Variants in STPG2 observed in about 807,000 individuals in gnomAD.
The protein encoded by STPG2 is sperm tail PG-rich repeat containing 2.
A neutral mutation model predicts 54.2 loss-of-function variants in STPG2; 56 were observed. The observed-to-expected ratio is 1.03, with a 90% CI of 0.83 to 1.29. STPG2 has a LOEUF of 1.29. Ranked by LOEUF, STPG2 falls within the 50% of genes most tolerant of loss-of-function variation. STPG2 has a pLI of 0.00. For missense variants in STPG2, 596 were observed against 544.9 expected (o/e 1.09, Z -0.93); for synonymous variants, 200 against 181.8 (o/e 1.10, Z -0.81).
intron 10 of STPG2, among the ~76,000 whole-genome samples, chr4:97,706,379 G>A (rs1723942007): frequency 6.6e-6 from 1 of 152,164 alleles, no homozygotes; most frequent in African/African-American, 2.4e-5. Context: ...TCCTGAGGTA[G>A]AGCCCTCGTG....
chr4:98,112,686 C>G (rs1303107092), intron 3 of STPG2, among the ~76,000 whole-genome samples: 7 of 151,986 alleles, frequency 4.6e-5, no homozygotes, highest in Admixed American at 4.6e-4. Context: ...TTTAGTAAAT[C>G]CCCTTGATTG....
At chr4:97,738,458 A>G (rs908220650) in intron 9 of STPG2, among the ~76,000 whole-genome samples, 1 of 152,218 alleles carries the variant, frequency 6.6e-6, no homozygotes, top group African/African-American at 2.4e-5. Context: ...TGCTGTATTC[A>G]GGAAACCCAT....
At chr4:98,009,751 G>A (rs1735685322) in intron 5 of STPG2, among the ~76,000 whole-genome samples, 1 of 151,898 alleles carries the variant, frequency 6.6e-6, no homozygotes, top group African/African-American at 2.4e-5. Context: ...ATCAAATTAT[G>A]TGCTCCAATG....
At chr4:97,650,216 C>T (rs1722026219) in intron 10 of STPG2, among the ~76,000 whole-genome samples, 2 of 152,134 alleles carry the variant, frequency 1.3e-5, no homozygotes, top group African/African-American at 2.4e-5. Flanking sequence ...ATACCTCCTG[C>T]TATGCAGCCT....
intron 9 of STPG2, among the ~76,000 whole-genome samples, chr4:97,746,453 C>T (rs1423164482): frequency 2.6e-5 from 4 of 151,194 alleles, no homozygotes; most frequent in Non-Finnish European, 4.5e-5. Flanking sequence ...CCAATAATTT[C>T]TCCAATTGAC....
At chr4:97,865,670 G>T (rs1445873650) in intron 8 of STPG2, among the ~76,000 whole-genome samples, 2 of 151,784 alleles carry the variant, frequency 1.3e-5, no homozygotes, top group Non-Finnish European at 2.9e-5. Context: ...TTGGACTCAG[G>T]AAGGGGAACA....
intron 4 of STPG2, among the ~76,000 whole-genome samples, chr4:97,520,061 C>T (rs1161734772): frequency 1.3e-5 from 2 of 151,892 alleles, no homozygotes; most frequent in Admixed American, 6.6e-5. Context: ...TGAATCAATA[C>T]ATACAAAGTG....
chr4:98,130,811 A>G (rs1421260885), intron 2 of STPG2, among the ~76,000 whole-genome samples: 2 of 150,980 alleles, frequency 1.3e-5, no homozygotes, highest in African/African-American at 4.9e-5. Flanking sequence ...AGTCCCAGCT[A>G]CTCAAGAAGC....
chr4:98,131,091 T>G (rs186468303), intron 2 of STPG2, among the ~76,000 whole-genome samples: 320 of 152,154 alleles, frequency 2.1e-3, no homozygotes, highest in Non-Finnish European at 4.1e-3. Context: ...ATTCATGTGG[T>G]TTTTTCTGCA....
chr4:97,973,656 C>T (rs1008262046), intron 6 of STPG2, among the ~76,000 whole-genome samples: 3 of 152,192 alleles, frequency 2.0e-5, no homozygotes, highest in Non-Finnish European at 4.4e-5. Flanking sequence ...GTGGGCCAGA[C>T]CCAGGCTCCT....
At chr4:98,122,945 T>A (rs1052329278) in intron 3 of STPG2, among the ~76,000 whole-genome samples, 2 of 152,152 alleles carry the variant, frequency 1.3e-5, no homozygotes, top group Admixed American at 6.5e-5. Context: ...CATCCAGGAA[T>A]TTATCCATTT....
At chr4:97,874,797 T>G (rs1350599352) in intron 8 of STPG2, among the ~76,000 whole-genome samples, 1 of 151,552 alleles carries the variant, frequency 6.6e-6, no homozygotes, top group East Asian at 1.9e-4. Flanking sequence ...AAAAGGTAAT[T>G]ATGTCATGAG....
At chr4:97,541,278 G>A (rs1731696838) in intron 4 of STPG2, among the ~76,000 whole-genome samples, 1 of 151,932 alleles carries the variant, frequency 6.6e-6, no homozygotes, top group African/African-American at 2.4e-5. Context: ...AAAGTCTCAG[G>A]ATACAAAATC....
chr4:97,833,951 G>T (rs568677794), intron 9 of STPG2, among the ~76,000 whole-genome samples: 4 of 152,094 alleles, frequency 2.6e-5, no homozygotes, highest in African/African-American at 9.7e-5. Flanking sequence ...ACAGTGTGGC[G>T]ATTACTCAAG....
At chr4:97,951,424 G>C (rs933436212) in intron 7 of STPG2, among the ~76,000 whole-genome samples, 2 of 151,874 alleles carry the variant, frequency 1.3e-5, no homozygotes, top group Non-Finnish European at 2.9e-5. Flanking sequence ...TTATTTTTCT[G>C]GTTCCTTCTC....
At chr4:97,492,672 G>C (rs1730527692) in intron 4 of STPG2, among the ~76,000 whole-genome samples, 2 of 150,622 alleles carry the variant, frequency 1.3e-5, no homozygotes, top group South Asian at 2.1e-4. Context: ...TTTGTGAGGA[G>C]AAATTTGGGG....
chr4:97,537,019 A>G (rs1731548592), intron 4 of STPG2, among the ~76,000 whole-genome samples: 1 of 152,150 alleles, frequency 6.6e-6, no homozygotes, highest in Non-Finnish European at 1.5e-5. Context: ...ACTATGGAAA[A>G]CTGTTTCCAG....
intron 1 of STPG2, among the ~76,000 whole-genome samples, chr4:98,142,822 T>G (rs1740336334): frequency 6.6e-6 from 1 of 152,200 alleles, no homozygotes; most frequent in Non-Finnish European, 1.5e-5. Context: ...GAATCAAAAG[T>G]CCTAGCCATA....
chr4:97,894,872 G>C (rs7687243), intron 8 of STPG2, among the ~76,000 whole-genome samples: 24,636 of 151,746 alleles, frequency 0.16, 2,176 homozygotes, highest in East Asian at 0.36. Flanking sequence ...TTCTAAATTT[G>C]TTTTAAAAAT....
Sources: allele counts gnomAD v4.1 joint callset (sites outside exome capture counted in the v4.1 genomes callset), GRCh38; gene constraint gnomAD v4.1.1; transcripts MANE v1.5; gene names NCBI Gene and HGNC (gene_info 2026-07-23, HGNC 2026-07-21).